Variants in AGPAT5 observed in about 807,000 individuals in gnomAD.
AGPAT5 encodes 1-acylglycerol-3-phosphate O-acyltransferase 5, also known as 1-acyl-sn-glycerol-3-phosphate acyltransferase epsilon.
Under a neutral mutation model 45.6 loss-of-function variants are expected in AGPAT5, and 46 were observed. The observed-to-expected ratio is 1.01, with a 90% CI of 0.80 to 1.29. The LOEUF (loss-of-function observed/expected upper bound fraction) is 1.29. Among genes scored for constraint, AGPAT5 ranks in the 50% most tolerant of loss-of-function variants. The pLI, the probability that AGPAT5 is intolerant of heterozygous loss-of-function variation, is 0.00. For missense variants in AGPAT5, 673 were observed against 450.7 expected (o/e 1.49, Z -4.47); for synonymous variants, 272 against 167.0 (o/e 1.63, Z -4.85).
intron 1 of AGPAT5, among the ~76,000 whole-genome samples, chr8:6,710,827 T>C (rs1427083526): frequency 6.6e-6 from 1 of 152,232 alleles, no homozygotes; most frequent in Non-Finnish European, 1.5e-5. Context: ...CCTTATTTTT[T>C]ACCTGTGACT....
At chr8:6,749,098 C>T (rs1171941377) in intron 6 of AGPAT5, among the ~76,000 whole-genome samples, 2 of 152,194 alleles carry the variant, frequency 1.3e-5, no homozygotes, top group African/African-American at 4.8e-5. Flanking sequence ...CTAACACTGT[C>T]TGTGTGTCAT....
At chr8:6,732,063 G>A (rs1401893395) in intron 3 of AGPAT5, among the ~76,000 whole-genome samples, 1 of 152,214 alleles carries the variant, frequency 6.6e-6, no homozygotes, top group Non-Finnish European at 1.5e-5. Context: ...TACAGTCACA[G>A]TGGGAACTAT....
intron 5 of AGPAT5, among the ~76,000 whole-genome samples, chr8:6,744,081 G>C (rs2116934154): frequency 1.3e-5 from 2 of 151,890 alleles, no homozygotes; most frequent in Non-Finnish European, 2.9e-5. Context: ...TTGGCAAATG[G>C]CAAGCTAATA....
At chr8:6,749,766 T>C (rs1801598668) in intron 6 of AGPAT5, among the ~76,000 whole-genome samples, 1 of 152,234 alleles carries the variant, frequency 6.6e-6, no homozygotes, top group Non-Finnish European at 1.5e-5. Flanking sequence ...AACAAGTGTT[T>C]ATAACCAATG....
At chr8:6,717,395 A>G (rs976922548) in intron 1 of AGPAT5, among the ~76,000 whole-genome samples, 2 of 152,206 alleles carry the variant, frequency 1.3e-5, no homozygotes, top group Non-Finnish European at 2.9e-5. Flanking sequence ...TGGTACCTGG[A>G]AAGGAGAGTC....
At chr8:6,726,865 T>G (rs10094387) in intron 2 of AGPAT5, among the ~76,000 whole-genome samples, 3,779 of 152,296 alleles carry the variant, frequency 0.025, 154 homozygotes, top group African/African-American at 0.086. Context: ...CCTTTTAAAA[T>G]TCTGTAAGTT....
At chr8:6,734,320 T>C (rs995035405) in intron 4 of AGPAT5, among the ~76,000 whole-genome samples, 6 of 152,052 alleles carry the variant, frequency 3.9e-5, no homozygotes, top group Non-Finnish European at 7.4e-5. Context: ...ACATTTTGGA[T>C]AATTTCTGTT....
intron 1 of AGPAT5, among the ~76,000 whole-genome samples, chr8:6,717,707 G>A (rs888339775): frequency 1.3e-5 from 2 of 152,174 alleles, no homozygotes; most frequent in South Asian, 2.1e-4. Context: ...CGTAGTTAAC[G>A]CCAGCTCTTG....
chr8:6,753,305 A>G (rs1230422254), intron 6 of AGPAT5, among the ~76,000 whole-genome samples: 2 of 152,108 alleles, frequency 1.3e-5, no homozygotes, highest in Non-Finnish European at 2.9e-5. Context: ...CTTCCTTACA[A>G]TCTGTATGCC....
At chr8:6,745,309 A>C (rs1801402701) in intron 5 of AGPAT5, 1 of 154,370 alleles carries the variant, frequency 6.5e-6, no homozygotes, top group Non-Finnish European at 1.5e-5. Context: ...ACTTCTCTGC[A>C]GGGGTTTCTC....
At chr8:6,738,925 T>C (rs1243802662) in intron 4 of AGPAT5, among the ~76,000 whole-genome samples, 1 of 152,190 alleles carries the variant, frequency 6.6e-6, no homozygotes, top group Admixed American at 6.5e-5. Context: ...TCTCCTTTGT[T>C]TTCTTCTGGA....
intron 2 of AGPAT5, among the ~76,000 whole-genome samples, chr8:6,726,923 T>C (rs961097683): frequency 6.6e-6 from 1 of 152,216 alleles, no homozygotes; most frequent in Non-Finnish European, 1.5e-5. Context: ...AATTACAGGC[T>C]TTAGTCAGTA....
chr8:6,760,923 G>A lies in AGPAT5; in HGVS notation c.*3535G>A, dbSNP rs867833190. Among the ~76,000 whole-genome samples, 7 of 152,096 alleles carry A rather than the reference G, an allele frequency of 4.6e-5. No individual in the cohort carries two copies. The highest frequency in any genetic ancestry group is 1.4e-4 in the African/African-American group (6 of 41,402). On this transcript the variant is annotated 3_prime_UTR_variant, in exon 8 of 8. Coordinates refer to ENST00000285518, the MANE Select transcript of AGPAT5 (RefSeq NM_018361.5). ...AACCTTCAACTATTATGAAGTGCTCGTCTGTACAATCGCTAATTTACTCAG... is the reference window on the plus strand; with the variant it reads ...AACCTTCAACTATTATGAAGTGCTCATCTGTACAATCGCTAATTTACTCAG...
At chr8:6,753,494 A>G (rs775859582) in intron 6 of AGPAT5, among the ~76,000 whole-genome samples, 2 of 152,202 alleles carry the variant, frequency 1.3e-5, no homozygotes, top group Non-Finnish European at 2.9e-5. Flanking sequence ...CTAAAACACT[A>G]TAATAGCTAA....
intron 1 of AGPAT5, among the ~76,000 whole-genome samples, chr8:6,712,152 T>A (rs1387410197): frequency 6.6e-6 from 1 of 152,220 alleles, no homozygotes; most frequent in Non-Finnish European, 1.5e-5. Context: ...TGGTCTCTGC[T>A]TTCTTTAACA....
chr8:6,733,798 T>G (rs1246178311), intron 4 of AGPAT5, among the ~76,000 whole-genome samples: 4 of 152,236 alleles, frequency 2.6e-5, no homozygotes, highest in African/African-American at 9.6e-5. Context: ...CAGCAATGGA[T>G]GACTGCTGTG....
intron 5 of AGPAT5, among the ~76,000 whole-genome samples, chr8:6,742,341 T>A (rs558175225): frequency 1.3e-5 from 2 of 152,220 alleles, no homozygotes; most frequent in African/African-American, 4.8e-5. Context: ...GTTCTTAATA[T>A]CCATATTTTA....
intron 4 of AGPAT5, among the ~76,000 whole-genome samples, chr8:6,735,847 GCC>G (rs1563295305): frequency 1.1e-5 from 1 of 89,540 alleles, no homozygotes; most frequent in East Asian, 3.6e-4. Flanking sequence ...TCTTTATATA[GCC>G]TTTTTTTTTT....
intron 7 of AGPAT5, 144 bp from the exon 8 acceptor site, chr8:6,757,019 C>G (rs1052413364): frequency 3.2e-6 from 2 of 626,172 alleles, no homozygotes; most frequent in South Asian, 2.1e-5. Flanking sequence ...TCTATTAAAC[C>G]AAGTTTCTGG....
Sources: allele counts gnomAD v4.1 joint callset (sites outside exome capture counted in the v4.1 genomes callset), GRCh38; gene constraint gnomAD v4.1.1; transcripts MANE v1.5; gene names NCBI Gene and HGNC (gene_info 2026-07-23, HGNC 2026-07-21).